CDIP1: variants seen among roughly 807,000 people sequenced by gnomAD.
The protein encoded by CDIP1 is cell death-inducing p53-target protein 1.
A neutral mutation model predicts 17.7 loss-of-function variants in CDIP1; 9 were observed. The observed-to-expected ratio is 0.51, with a 90% CI of 0.31 to 0.89. The LOEUF (loss-of-function observed/expected upper bound fraction) is 0.89. CDIP1 is among the 40% of genes least tolerant of loss of function. CDIP1 has a pLI of 0.05. For synonymous variants in CDIP1, 117 were observed against 109.5 expected (o/e 1.07, Z -0.43); for missense variants, 263 against 277.9 (o/e 0.95, Z 0.38).
At position 4,537,079 on chromosome 16, in the gene CDIP1, T is replaced by C. The variant is rs73496746; in HGVS notation, c.-105+1623A>G. Among the ~76,000 whole-genome samples the C allele has an allele frequency of 1.7e-3, 265 of 152,130 alleles. 3 individuals carry two copies. The highest frequency in any genetic ancestry group is 5.9e-3 in the African/African-American group (246 of 41,496). ...AGGGCTTCCATTAAGGTAAAAACCATTAAGAAGATAAAAAAGTCAAACCCA... is the reference window on the plus strand; with the variant it reads ...AGGGCTTCCATTAAGGTAAAAACCACTAAGAAGATAAAAAAGTCAAACCCA... On this transcript the variant is annotated intron_variant, in intron 1 of 5. Transcript: ENST00000567695.
chr16:4,533,061 T>A (rs1406348698), intron 1 of CDIP1: 1 of 152,254 alleles, frequency 6.6e-6, no homozygotes, highest in Non-Finnish European at 1.5e-5. Context: ...ACTCACCTCA[T>A]GGTCCCTGCC....
intron 1 of CDIP1, among the ~76,000 whole-genome samples, chr16:4,527,089 A>G (rs4785971): frequency 0.73 from 109,327 of 150,056 alleles, 40,126 homozygotes; most frequent in African/African-American, 0.79. Context: ...AGACACTGTT[A>G]CTTTTTTTTT....
At chr16:4,522,296 A>G (rs1344290688) in intron 1 of CDIP1, 1 of 152,300 alleles carries the variant, frequency 6.6e-6, no homozygotes, top group Non-Finnish European at 1.5e-5. Flanking sequence ...AAGGTTGGCA[A>G]TGCCCCTGGA....
chr16:4,525,335 A>T (rs1373826990), intron 1 of CDIP1, among the ~76,000 whole-genome samples: 1 of 152,178 alleles, frequency 6.6e-6, no homozygotes, highest in Non-Finnish European at 1.5e-5. Flanking sequence ...GAGCGAGGAC[A>T]CATTCTTCTG....
chr16:4,519,884 AG>A (rs2058927253), intron 1 of CDIP1, among the ~76,000 whole-genome samples: 1 of 152,112 alleles, frequency 6.6e-6, no homozygotes, highest in South Asian at 2.1e-4. Flanking sequence ...CAACAGAAGC[AG>A]ATGTTGGCAC....
chr16:4,520,916 C>T (rs1413267131), intron 1 of CDIP1, among the ~76,000 whole-genome samples: 2 of 152,150 alleles, frequency 1.3e-5, no homozygotes, highest in Non-Finnish European at 2.9e-5. Context: ...GCAGCTAGTT[C>T]GGCCCACACT....
At chr16:4,530,675 A>C (rs1400646300) in intron 1 of CDIP1, among the ~76,000 whole-genome samples, 11 of 151,686 alleles carry the variant, frequency 7.3e-5, no homozygotes, top group Admixed American at 7.2e-4. Context: ...AACAAAAAAA[A>C]CAGAAATAGT....
chr16:4,521,731 G>T lies in CDIP1; in HGVS notation c.-104-7067C>A, dbSNP rs1387908622. Among the ~76,000 whole-genome samples, 8 of 151,058 alleles carry T rather than the reference G, an allele frequency of 5.3e-5. No homozygotes were observed. The South Asian group carries it at 1.1e-3, about 20-fold the overall frequency. On this transcript the variant is annotated intron_variant, in intron 1 of 5. Transcript: ENST00000567695. ...AAAAAAAAAAAAAAAAAGGCGGGGG[G>T]GCCCGCTCTGCATCAGCTTAATTCA...
rs769489340 is a variant in CDIP1, at chr16:4,512,971, G to A, written c.335C>T (p.Thr112Ile). The change falls in exon 5 of 6, where the codon ACA becomes ATA. Residue 112 changes from threonine to isoleucine, a missense_variant. Transcript: ENST00000567695. The surrounding 1 kb of genome is among the most constrained non-coding windows in gnomAD (Gnocchi z 4.6). ...TCCTGAAGGGACCAGGACTGTGGCT[G>A]TGTGGCCCCCAGGGCCAGGGTAGGG... The part of the protein sequence containing the change: ...PGPYPGPGGH[T>I]ATVLVPSGAA... 2.5e-6 allele frequency: 4 copies of A among 1,588,810 alleles called. No individual in the cohort carries two copies. In the South Asian group the frequency reaches 3.4e-5, roughly 14 times the overall value.
At chr16:4,516,968 G>C (rs2058894969) in intron 1 of CDIP1, among the ~76,000 whole-genome samples, 1 of 151,954 alleles carries the variant, frequency 6.6e-6, no homozygotes, top group Non-Finnish European at 1.5e-5. Flanking sequence ...CATCTTACAA[G>C]ACTCCGTGAC....
chr16:4,514,257 G>T lies in CDIP1; in HGVS notation c.-14-113C>A. The T allele has an allele frequency of 1.6e-6, 1 of 626,054 alleles. No homozygotes were observed. The highest frequency in any genetic ancestry group is 2.7e-6 in the Non-Finnish European group (1 of 364,568). 38.8% of individuals were successfully genotyped at this position (626,054 alleles called of 1,614,324 possible). A position where few individuals can be genotyped will look rare whatever the true frequency, so the allele number is the denominator to read the frequency against. On this transcript the variant is annotated intron_variant, in intron 2 of 5. Coordinates refer to ENST00000567695, the MANE Select transcript of CDIP1 (RefSeq NM_013399.3). This position sits in a 1 kb window ranked among gnomAD's most constrained non-coding sequence, Gnocchi z 5.2. ...ACAAGGCGTGTGACCATCCTCAGAA[G>T]GGTCTGCCTCCAGGCACTGGGGATC...
At chr16:4,530,845 A>G (rs948685069) in intron 1 of CDIP1, among the ~76,000 whole-genome samples, 22 of 152,114 alleles carry the variant, frequency 1.4e-4, no homozygotes, top group African/African-American at 4.3e-4. Context: ...CTCAAAAAAA[A>G]AGAAAGAAAT....
chr16:4,527,902 C>T (rs886146948), intron 1 of CDIP1, among the ~76,000 whole-genome samples: 4 of 152,094 alleles, frequency 2.6e-5, no homozygotes, highest in African/African-American at 4.8e-5. Context: ...CTGCGACCTC[C>T]GCCTCCCGGG....
At chr16:4,537,136 A>G (rs1004851017) in intron 1 of CDIP1, among the ~76,000 whole-genome samples, 2 of 152,326 alleles carry the variant, frequency 1.3e-5, no homozygotes, top group East Asian at 3.9e-4. Context: ...CTAATTAATG[A>G]CATGCATGCT....
intron 1 of CDIP1, chr16:4,533,083 G>A (rs1210484148): frequency 1.3e-5 from 2 of 152,252 alleles, no homozygotes; most frequent in South Asian, 2.1e-4. Flanking sequence ...TCAGGGAGCT[G>A]CAGATCTACC....
chr16:4,538,604 G>A (rs1300129493), intron 1 of CDIP1, 98 bp downstream of exon 1: 1 of 152,326 alleles, frequency 6.6e-6, no homozygotes, highest in Non-Finnish European at 1.5e-5. Context: ...ACGGTCCGAG[G>A]TCACGCCCCG....
intron 1 of CDIP1, among the ~76,000 whole-genome samples, chr16:4,521,294 C>T (rs1019945504): frequency 1.3e-5 from 2 of 152,130 alleles, no homozygotes; most frequent in Admixed American, 1.3e-4. Context: ...CAGTTCTGAT[C>T]CTAGCCCCCC....
chr16:4,528,717 G>A (rs1030271383), intron 1 of CDIP1, among the ~76,000 whole-genome samples: 9 of 148,318 alleles, frequency 6.1e-5, no homozygotes, highest in Admixed American at 1.4e-4. Context: ...GGCTGGCCGC[G>A]GTGGCTCACA....
intron 1 of CDIP1, among the ~76,000 whole-genome samples, chr16:4,529,680 C>A (rs190554229): frequency 6.6e-6 from 1 of 152,096 alleles, no homozygotes; most frequent in South Asian, 2.1e-4. Flanking sequence ...AAAATGGAGC[C>A]CTTAAAAAAA....
Sources: gnomAD v4.1 joint callset for allele counts (sites outside exome capture counted in the v4.1 genomes callset) on GRCh38, gnomAD v4.1.1 for gene constraint, Gnocchi (gnomAD v3.1) non-coding constraint, MANE v1.5 for transcripts, NCBI Gene and HGNC (gene_info 2026-07-23, HGNC 2026-07-21) for gene names.